The following FAM76B variants were observed in gnomAD, a reference collection of about 807,000 sequenced individuals.
FAM76B encodes the protein protein FAM76B.
In FAM76B, 16 loss-of-function variants were observed where a neutral mutation model predicts 51.8. The ratio of observed to expected loss-of-function variants is 0.31; its 90% CI spans 0.21 to 0.47. The LOEUF (loss-of-function observed/expected upper bound fraction) is 0.47, where lower values mean the gene tolerates loss of function less well. Among genes scored for constraint, FAM76B ranks in the 20% least tolerant of loss-of-function variants. The pLI, the probability that FAM76B is intolerant of heterozygous loss-of-function variation, is 1.00. For missense variants in FAM76B, 342 were observed against 392.6 expected (o/e 0.87, Z 1.09); for synonymous variants, 166 against 129.5 (o/e 1.28, Z -1.91).
chr11:95,789,008 A>T (rs926291666), intron 1 of FAM76B: 2 of 1,356,082 alleles, frequency 1.5e-6, no homozygotes, highest in Non-Finnish European at 1.9e-6. Flanking sequence ...AAGAAAGTGC[A>T]AAAACCGTCC....
chr11:95,789,624 C>T lies in FAM76B; in HGVS notation c.-146G>A, dbSNP rs1391063835. The T allele has an allele frequency of 5.0e-6, 3 of 605,608 alleles. No homozygotes were observed. In the African/African-American group the frequency reaches 6.0e-5, roughly 12 times the overall value. The allele number at this position is 605,608 out of a possible 1,614,324, so 37.5% of individuals were successfully genotyped here. A position where few individuals can be genotyped will look rare whatever the true frequency, so the allele number is the denominator to read the frequency against. Reference sequence around the variant, plus strand: ...CCCACCAGGGCCTCGCCGCGAGAGCCCAGGGCCCCGCGGACGACGCCACCG... The same window carrying T: ...CCCACCAGGGCCTCGCCGCGAGAGCTCAGGGCCCCGCGGACGACGCCACCG... On this transcript the variant is annotated 5_prime_UTR_variant, in exon 1 of 10. Coordinates refer to ENST00000358780, the MANE Select transcript of FAM76B (RefSeq NM_144664.5).
intron 5 of FAM76B, 141 bp downstream of exon 5, chr11:95,782,924 C>T: frequency 9.8e-7 from 1 of 1,015,808 alleles, no homozygotes; most frequent in Non-Finnish European, 1.4e-6. Context: ...AATGGAGACA[C>T]AGCCTTAGAC....
Position 95,770,075 on chromosome 11 carries a change from G to A in FAM76B, c.*1486C>T, listed in dbSNP as rs974730305. The A allele has an allele frequency of 2.6e-5, 4 of 151,396 alleles. No individual in the cohort carries two copies. Among genetic ancestry groups the A allele is most frequent in the African/African-American group, 9.7e-5 (4 of 41,346 alleles). The allele number at this position is 151,396 out of a possible 1,614,324, so 9.4% of individuals were successfully genotyped here. A position where few individuals can be genotyped will look rare whatever the true frequency, so the allele number is the denominator to read the frequency against. On this transcript the variant is annotated 3_prime_UTR_variant, in exon 10 of 10. Transcript: ENST00000358780. ...AAATTTAGTAACAGTTTTACATGAA[G>A]CAAATTTATCTTTGCCCATAAATTA...
At chr11:95,782,155 G>C (rs1370227691) in intron 5 of FAM76B, among the ~76,000 whole-genome samples, 1 of 152,016 alleles carries the variant, frequency 6.6e-6, no homozygotes, top group African/African-American at 2.4e-5. Context: ...TTTCCGTGAA[G>C]ACTAAAATTG....
chr11:95,778,793 T>C (rs542655902), intron 8 of FAM76B, 29 bp downstream of exon 8: 4 of 1,571,834 alleles, frequency 2.5e-6, no homozygotes, highest in Admixed American at 2.0e-5. Context: ...ACATAACTCT[T>C]ACCAGGCTTC....
At chr11:95,774,831 G>A (rs1859922858) in intron 9 of FAM76B, among the ~76,000 whole-genome samples, 1 of 151,188 alleles carries the variant, frequency 6.6e-6, no homozygotes, top group African/African-American at 2.4e-5. Flanking sequence ...TCTACATGAG[G>A]TTCCTTTTTC....
rs1309844332 is a variant in FAM76B at position 95,786,116 on chromosome 11, T to C, written c.363+3A>G. The C allele has an allele frequency of 6.2e-7, 1 of 1,604,314 alleles. No homozygotes were observed. Among genetic ancestry groups the C allele is most frequent in the African/African-American group, 1.3e-5 (1 of 74,676 alleles). The stretch of plus-strand genomic sequence containing the variant: ...AAGATGTCATAACATAAATAAAGCA[T>C]ACCTTTCTTCTTCCTTCCTCCTTCC... On this transcript the variant is annotated splice_donor_region_variant and intron_variant, in intron 4 of 9. Transcript: ENST00000358780.
At chr11:95,782,467 A>G (rs895255376) in intron 5 of FAM76B, among the ~76,000 whole-genome samples, 1 of 152,158 alleles carries the variant, frequency 6.6e-6, no homozygotes, top group Non-Finnish European at 1.5e-5. Context: ...AGGGGGTTCT[A>G]GAACCAATCC....
At position 95,769,461 on chromosome 11, in the gene FAM76B, G is replaced by A. The variant is rs909254844; in HGVS notation, c.*2100C>T. ...CTAAATTATTAGACTGTTAATGTTAGCTAACACTAAAACTGAATTACCTTC... is the reference window on the plus strand; with the variant it reads ...CTAAATTATTAGACTGTTAATGTTAACTAACACTAAAACTGAATTACCTTC... On this transcript the variant is annotated 3_prime_UTR_variant, in exon 10 of 10. Coordinates refer to ENST00000358780, the MANE Select transcript of FAM76B (RefSeq NM_144664.5). 6.6e-6 allele frequency: 1 copy of A among 152,188 alleles called. No individual in the cohort carries two copies. The highest frequency in any genetic ancestry group is 2.4e-5 in the African/African-American group (1 of 41,388). 9.4% of individuals were successfully genotyped at this position (152,188 alleles called of 1,614,324 possible). A position where few individuals can be genotyped will look rare whatever the true frequency, so the allele number is the denominator to read the frequency against.
chr11:95,774,269 A>G (rs976975165), intron 9 of FAM76B, among the ~76,000 whole-genome samples: 1 of 151,400 alleles, frequency 6.6e-6, no homozygotes, highest in Non-Finnish European at 1.5e-5. Flanking sequence ...GGCATATCAC[A>G]TAACCCAGTT....
At chr11:95,788,402 T>A (rs2120317196) in intron 2 of FAM76B, 97 bp downstream of exon 2, 1 of 1,030,998 alleles carries the variant, frequency 9.7e-7, no homozygotes, top group Admixed American at 2.3e-5. Flanking sequence ...AACCATTTTT[T>A]AAAAATACTT....
intron 4 of FAM76B, among the ~76,000 whole-genome samples, chr11:95,784,914 T>A (rs1860479402): frequency 6.6e-6 from 1 of 152,070 alleles, no homozygotes; most frequent in Admixed American, 6.6e-5. Flanking sequence ...AAATGAGATA[T>A]CTTCAAACAG....
chr11:95,786,010 A>G (rs1860558369), intron 4 of FAM76B, 109 bp downstream of exon 4: 1 of 1,341,226 alleles, frequency 7.5e-7, no homozygotes, highest in Non-Finnish European at 1.0e-6. Flanking sequence ...ACTTGCTTTC[A>G]TGGACCTAAA....
At chr11:95,780,966 T>G (rs1860236096) in intron 5 of FAM76B, among the ~76,000 whole-genome samples, 1 of 151,738 alleles carries the variant, frequency 6.6e-6, no homozygotes, top group Non-Finnish European at 1.5e-5. Context: ...ACCTTAAGAC[T>G]CAGCTGTAAA....
chr11:95,775,651 A>C (rs1039187697), intron 9 of FAM76B, among the ~76,000 whole-genome samples: 3 of 151,476 alleles, frequency 2.0e-5, no homozygotes, highest in Admixed American at 1.3e-4. Flanking sequence ...TAATTAATTG[A>C]ACACACTCCA....
intron 3 of FAM76B, chr11:95,786,712 A>G (rs1039854128): frequency 6.5e-6 from 1 of 154,356 alleles, no homozygotes; most frequent in Admixed American, 6.4e-5. Flanking sequence ...TACAAATCAT[A>G]TAAGGAATAT....
At chr11:95,780,049 TTTAAG>T (rs1860189609) in intron 5 of FAM76B, 123 bp from the exon 6 acceptor site, 19 of 902,968 alleles carry the variant, frequency 2.1e-5, no homozygotes, top group South Asian at 3.7e-5. Flanking sequence ...GAAAGGTATA[TTTAAG>T]TTTTCAGACT....
chr11:95,785,081 A>T (rs529596161), intron 4 of FAM76B, among the ~76,000 whole-genome samples: 61 of 152,346 alleles, frequency 4.0e-4, no homozygotes, highest in Middle Eastern at 3.4e-3. Flanking sequence ...GTCTAAAAAT[A>T]TTACATACAA....
At chr11:95,774,869 A>AT (rs1859925395) in intron 9 of FAM76B, among the ~76,000 whole-genome samples, 1 of 151,266 alleles carries the variant, frequency 6.6e-6, no homozygotes, top group Non-Finnish European at 1.5e-5. Flanking sequence ...TATGATAGGG[A>AT]TTAAGACCAG....
Sources: allele counts gnomAD v4.1 joint callset (sites outside exome capture counted in the v4.1 genomes callset), GRCh38; gene constraint gnomAD v4.1.1; transcripts MANE v1.5; gene names NCBI Gene and HGNC (gene_info 2026-07-23, HGNC 2026-07-21).